The following IRF1 variants were observed in gnomAD, a reference collection of about 807,000 sequenced individuals.
IRF1 encodes interferon regulatory factor-1.
IRF1 carries 13 observed loss-of-function variants against 43.7 expected under a neutral mutation model. The ratio of observed to expected loss-of-function variants is 0.30; its 90% CI spans 0.19 to 0.47. IRF1 has a LOEUF of 0.47. Ranked by LOEUF, IRF1 falls within the 20% of genes least tolerant of loss-of-function variation. IRF1 has a pLI of 0.99. For synonymous variants in IRF1, 138 were observed against 146.8 expected (o/e 0.94, Z 0.43); for missense variants, 236 against 408.9 (o/e 0.58, Z 3.65).
In IRF1 at chr5:132,488,016, T is replaced by C. The variant is rs1754586986; in HGVS notation, c.97A>G (p.Ile33Val). The C allele has an allele frequency of 6.2e-7, 1 of 1,609,834 alleles. No homozygotes were observed. Among genetic ancestry groups the C allele is most frequent in the Non-Finnish European group, 8.5e-7 (1 of 1,176,886 alleles). Reference sequence around the variant, plus strand: ...GCATGCTTCCATGGGATCTGGAAGATCATCTCCTCCTGAACAATACACACA... The same window carrying C: ...GCATGCTTCCATGGGATCTGGAAGACCATCTCCTCCTGAACAATACACACA... ...GLIWINKEEM[I>V]FQIPWKHAAK... Residue 33 changes from isoleucine to valine, a missense_variant, in exon 3 of 10, where the codon ATC becomes GTC. Around this residue, in one of 2 missense-constraint regions of IRF1, gnomAD observed 66 missense variants for 157.1 expected, o/e 0.42. Coordinates refer to ENST00000245414, the MANE Select transcript of IRF1 (RefSeq NM_002198.3).
At chr5:132,484,937 A>G (rs961574414) in intron 8 of IRF1, 2 of 157,766 alleles carry the variant, frequency 1.3e-5, no homozygotes, top group Non-Finnish European at 2.8e-5. Flanking sequence ...TTTGAAATGG[A>G]GTTTTGCTCT....
At chr5:132,487,888 T>C in intron 3 of IRF1, 38 bp downstream of exon 3, 1 of 1,474,470 alleles carries the variant, frequency 6.8e-7, no homozygotes. Context: ...CTCTTGTCTC[T>C]ACCCTGGGCT....
intron 3 of IRF1, 39 bp from the exon 4 acceptor site, chr5:132,487,169 G>A (rs1754555563): frequency 6.2e-7 from 1 of 1,602,022 alleles, no homozygotes; most frequent in Non-Finnish European, 8.5e-7. Flanking sequence ...TCAGGGCCAT[G>A]GGTAGGGATC....
rs1475107720 is a variant in IRF1, at chr5:132,484,471, T to G, written c.744A>C (p.Pro248=). The part of the protein sequence containing the change: ...MKLLEQSEWQ[P]TNVDGKGYLL... The stretch of plus-strand genomic sequence containing the variant: ...GGTACCCCTTCCCATCCACGTTTGT[T>G]GGCTGCCACTCCGACTGCTCCAAGA... The change falls in exon 9 of 10, where the codon CCA becomes CCC. Residue 248 remains proline (P), a synonymous_variant. Coordinates refer to ENST00000245414, the MANE Select transcript of IRF1 (RefSeq NM_002198.3). The G allele has an allele frequency of 6.2e-7, 1 of 1,614,102 alleles. No homozygotes were observed. Among genetic ancestry groups the G allele is most frequent in the Non-Finnish European group, 8.5e-7 (1 of 1,180,048 alleles).
rs1312142490 is a variant in IRF1 at position 132,488,027 on chromosome 5, TGAACAATACACACA to T, written c.88-16_88-3del. 1 of 1,604,878 alleles carries T rather than the reference TGAACAATACACACA, an allele frequency of 6.2e-7. No homozygotes were observed. The highest frequency in any genetic ancestry group is 8.5e-7 in the Non-Finnish European group (1 of 1,172,536). On this transcript the variant is annotated splice_polypyrimidine_tract_variant and splice_region_variant and intron_variant, in intron 2 of 9. Coordinates refer to ENST00000245414, the MANE Select transcript of IRF1 (RefSeq NM_002198.3). ...TGGGATCTGGAAGATCATCTCCTCCTGAACAATACACACATACACATAAGGCTGTGTCAGGTCAG... is the reference window on the plus strand; with the variant it reads ...TGGGATCTGGAAGATCATCTCCTCCTTACACATAAGGCTGTGTCAGGTCAG...
At chr5:132,486,877 A>G (rs763680558) in intron 4 of IRF1, 33 bp from the exon 5 acceptor site, 13 of 1,613,974 alleles carry the variant, frequency 8.1e-6, no homozygotes, top group Non-Finnish European at 1.1e-5. Context: ...GCCTTGGTGC[A>G]GGCTCTCCAG....
At position 132,484,460 on chromosome 5, in the gene IRF1, T is replaced by G; in HGVS notation, c.755A>C (p.Asp252Ala). The G allele has an allele frequency of 6.2e-7, 1 of 1,614,182 alleles. No individual in the cohort carries two copies. The highest frequency in any genetic ancestry group is 8.5e-7 in the Non-Finnish European group (1 of 1,180,024). The change falls in exon 9 of 10, where the codon GAT (aspartate) becomes GCT (alanine). Residue 252 changes from aspartate to alanine, a missense_variant. By Grantham distance (126) the Asp-to-Ala change is moderately radical (BLOSUM62 -2). Coordinates refer to ENST00000245414, the MANE Select transcript of IRF1 (RefSeq NM_002198.3). ...EQSEWQPTNV[D>A]GKGYLLNEPG... is the part of the protein sequence containing the mutation. ...TTCATTGAGTAGGTACCCCTTCCCATCCACGTTTGTTGGCTGCCACTCCGA... is the reference window on the plus strand; with the variant it reads ...TTCATTGAGTAGGTACCCCTTCCCAGCCACGTTTGTTGGCTGCCACTCCGA...
In IRF1 at chr5:132,484,441, G is replaced by C; in HGVS notation, c.774C>G (p.Leu258=). 1 of 1,614,178 alleles carries C rather than the reference G, an allele frequency of 6.2e-7. No individual in the cohort carries two copies. Among genetic ancestry groups the C allele is most frequent in the Non-Finnish European group, 8.5e-7 (1 of 1,180,028 alleles). ...PTNVDGKGYL[L]NEPGVQPTSV... ...AGGTGGGCTGGACTCCAGGTTCATT[G>C]AGTAGGTACCCCTTCCCATCCACGT... Residue 258 remains leucine (L), a synonymous_variant, in exon 9 of 10, where the codon CTC becomes CTG. Coordinates refer to ENST00000245414, the MANE Select transcript of IRF1 (RefSeq NM_002198.3).
At chr5:132,486,177 T>A in intron 7 of IRF1, 74 bp downstream of exon 7, 2 of 1,580,890 alleles carry the variant, frequency 1.3e-6, no homozygotes, top group Non-Finnish European at 1.7e-6. Context: ...GTTCTGATCA[T>A]CTTTTCTCTC....
chr5:132,487,389 C>T (rs1408316929), intron 3 of IRF1: 1 of 511,296 alleles, frequency 2.0e-6, no homozygotes, highest in East Asian at 3.5e-5. Context: ...CCCCATATCC[C>T]CAAAGTGTAC....
In IRF1 at chr5:132,482,377, C is replaced by G. The variant is rs556514366; in HGVS notation, c.*1574G>C. The G allele has an allele frequency of 1.3e-5, 2 of 152,332 alleles. No homozygotes were observed. The highest frequency in any genetic ancestry group is 2.4e-5 in the African/African-American group (1 of 41,540). 9.4% of individuals were successfully genotyped at this position (152,332 alleles called of 1,614,324 possible). ...GGGACTACAGGCACCCGCCACTAGGCCCGGCTAATTTTTTATATTTTTAGT... is the reference window on the plus strand; with the variant it reads ...GGGACTACAGGCACCCGCCACTAGGGCCGGCTAATTTTTTATATTTTTAGT... On this transcript the variant is annotated 3_prime_UTR_variant, in exon 10 of 10. Coordinates refer to ENST00000245414, the MANE Select transcript of IRF1 (RefSeq NM_002198.3).
chr5:132,488,242 C>T, intron 2 of IRF1: 1 of 541,206 alleles, frequency 1.8e-6, no homozygotes, highest in Non-Finnish European at 3.3e-6. Context: ...GGATGAGCTG[C>T]AGCATTATTA....
At position 132,486,267 on chromosome 5, in the gene IRF1, C is replaced by T. The variant is rs773604014; in HGVS notation, c.651G>A (p.Met217Ile). ...AGCACCAACCTTCAGAGGTGGAGGG[C>T]ATGGGTGACACCTGGAAGTTGTACA... is the stretch of plus-strand genomic sequence containing the variant. ...SDLYNFQVSP[M>I]PSTSEATTDE... The change falls in exon 7 of 10, where the codon ATG becomes ATA. Residue 217 changes from methionine to isoleucine, a missense_variant. Physicochemically the swap from Met to Ile is conservative, Grantham distance 10. This residue lies in a region of IRF1 where 170 missense variants were observed against 251.8 expected (regional missense o/e 0.68). Transcript: ENST00000245414. The T allele has an allele frequency of 1.2e-6, 2 of 1,613,522 alleles. No individual in the cohort carries two copies. The highest frequency in any genetic ancestry group is 1.7e-6 in the Non-Finnish European group (2 of 1,179,978).
chr5:132,490,405 C>G lies in IRF1; in HGVS notation c.-6+140G>C, dbSNP rs1237042701. 1 of 149,674 alleles carries G rather than the reference C, an allele frequency of 6.7e-6. No homozygotes were observed. Among genetic ancestry groups the G allele is most frequent in the Non-Finnish European group, 1.5e-5 (1 of 67,210 alleles). The allele number at this position is 149,674 out of a possible 1,614,324, so 9.3% of individuals were successfully genotyped here. On this transcript the variant is annotated intron_variant, in intron 1 of 9. Transcript: ENST00000245414. This position sits in a 1 kb window ranked among gnomAD's most constrained non-coding sequence, Gnocchi z 5.8. ...GCGGCTCGCAGCTCCTCCGGCGCCC[C>G]CCGGAGCCCGCGCGGAGGCCCGGGC...
At chr5:132,485,828 G>GACACACACAC (rs41498144) in intron 7 of IRF1, 112 bp from the exon 8 acceptor site, 22 of 555,768 alleles carry the variant, frequency 4.0e-5, no homozygotes, top group Admixed American at 1.5e-4. Context: ...CTGTCTCTCT[G>GACACACACAC]ACACACACAC....
In IRF1 at chr5:132,483,114, A is replaced by G. The variant is rs1754429881; in HGVS notation, c.*837T>C. ...ACAATTTACTTTTTATAAAAAGACA[A>G]ATGTACATATTTACACACGTCCTTA... On this transcript the variant is annotated 3_prime_UTR_variant, in exon 10 of 10. Transcript: ENST00000245414. The G allele has an allele frequency of 1.4e-5, 2 of 140,926 alleles. No homozygotes were observed. The highest frequency in any genetic ancestry group is 2.3e-4 in the South Asian group (1 of 4,422). 8.7% of individuals were successfully genotyped at this position (140,926 alleles called of 1,614,324 possible).
At chr5:132,488,620 A>G (rs1754609222) in intron 2 of IRF1, 1 of 153,234 alleles carries the variant, frequency 6.5e-6, no homozygotes, top group Non-Finnish European at 1.5e-5. Flanking sequence ...CACAGTGACA[A>G]ATATGAAGTC....
intron 8 of IRF1, chr5:132,485,357 G>A (rs996441287): frequency 5.4e-6 from 2 of 371,536 alleles, no homozygotes; most frequent in Non-Finnish European, 1.0e-5. Flanking sequence ...GAACTAGCAG[G>A]GCTGGGGCAT....
intron 1 of IRF1, 125 bp from the exon 2 acceptor site, chr5:132,489,608 C>T: frequency 1.4e-6 from 1 of 698,640 alleles, no homozygotes; most frequent in South Asian, 1.6e-5. Context: ...GTACTACACT[C>T]AGTGCGGAGG....
Sources: allele counts gnomAD v4.1 joint callset, GRCh38; gene constraint gnomAD v4.1.1; regional missense constraint gnomAD v4.1.1; non-coding constraint Gnocchi (gnomAD v3.1); transcripts MANE v1.5; gene names NCBI Gene and HGNC (gene_info 2026-07-23, HGNC 2026-07-21).